The following FUT9 variants were observed in gnomAD, a reference collection of about 807,000 sequenced individuals.
FUT9 encodes the protein fucosyltransferase 9.
FUT9 carries 15 observed loss-of-function variants against 29.7 expected under a neutral mutation model. The ratio of observed to expected loss-of-function variants is 0.51; its 90% CI spans 0.34 to 0.78. The LOEUF is 0.78. Ranked by LOEUF, FUT9 falls within the 30% of genes least tolerant of loss-of-function variation. The probability of loss-of-function intolerance (pLI) is 0.01; values close to 1 mark genes in which losing one functional copy is unlikely to be tolerated. For synonymous variants in FUT9, 169 were observed against 153.7 expected, an observed-to-expected ratio of 1.10 and a Z score of -0.74; for missense variants, 319 against 425.4, an observed-to-expected ratio of 0.75 and a Z score of 2.20.
chr6:96,087,950 G>T (rs962297302), intron 1 of FUT9, among the ~76,000 whole-genome samples: 4 of 152,068 alleles, frequency 2.6e-5, no homozygotes, highest in Admixed American at 2.6e-4. Context: ...ATGTGTCTGA[G>T]AAAGTCTTTA....
chr6:96,138,137 C>A (rs1488711422), intron 2 of FUT9, among the ~76,000 whole-genome samples: 1 of 152,098 alleles, frequency 6.6e-6, no homozygotes, highest in Non-Finnish European at 1.5e-5. Context: ...GGCATAAACC[C>A]TAGTTCTGAG....
At chr6:96,127,608 C>T (rs996228765) in intron 2 of FUT9, among the ~76,000 whole-genome samples, 1 of 152,094 alleles carries the variant, frequency 6.6e-6, no homozygotes, top group Non-Finnish European at 1.5e-5. Flanking sequence ...GAGAAATCCC[C>T]AAACTGCTTT....
intron 2 of FUT9, among the ~76,000 whole-genome samples, chr6:96,202,143 A>G (rs1044316024): frequency 4.6e-5 from 7 of 151,994 alleles, no homozygotes; most frequent in African/African-American, 1.7e-4. Context: ...AGTTTTTGCA[A>G]ATATATTTTT....
chr6:96,022,334 C>G (rs532820267), intron 1 of FUT9, among the ~76,000 whole-genome samples: 1 of 152,036 alleles, frequency 6.6e-6, no homozygotes, highest in African/African-American at 2.4e-5. Context: ...GGCAGTCAAT[C>G]CAACTTGTCC....
intron 2 of FUT9, among the ~76,000 whole-genome samples, chr6:96,138,631 C>T (rs1399414586): frequency 6.6e-6 from 1 of 152,062 alleles, no homozygotes; most frequent in Admixed American, 6.6e-5. Flanking sequence ...ATTATATCAT[C>T]GTATAGTCTG....
intron 2 of FUT9, among the ~76,000 whole-genome samples, chr6:96,148,413 G>C (rs1482141481): frequency 6.6e-6 from 1 of 152,146 alleles, no homozygotes; most frequent in Non-Finnish European, 1.5e-5. Flanking sequence ...TAAAATGAGG[G>C]AGTACTCTGT....
chr6:96,083,474 G>T (rs1215106158), intron 1 of FUT9, among the ~76,000 whole-genome samples: 1 of 152,046 alleles, frequency 6.6e-6, no homozygotes, highest in Non-Finnish European at 1.5e-5. Flanking sequence ...ATTGAACATA[G>T]CATAGAATGA....
intron 1 of FUT9, among the ~76,000 whole-genome samples, chr6:96,075,872 C>T (rs759927429): frequency 1.3e-5 from 2 of 152,074 alleles, no homozygotes; most frequent in African/African-American, 2.4e-5. Flanking sequence ...TTTCTTTTCC[C>T]CTCGTACATG....
At position 96,141,950 on chromosome 6, in the gene FUT9, A is replaced by G. The variant is rs143400878; in HGVS notation, c.-9+27823A>G. The stretch of plus-strand genomic sequence containing the variant: ...TCTAATTTTATCTCTTCTCCATTTT[A>G]CATCCCAGCCTTCTGAAGTGATTAC... On this transcript the variant is annotated intron_variant, in intron 2 of 2. Transcript: ENST00000302103. 1.7e-3 allele frequency among the ~76,000 whole-genome samples: 260 copies of G among 152,230 alleles called. 1 individual carries two copies. Among genetic ancestry groups the G allele is most frequent in the Middle Eastern group, 6.8e-3 (2 of 294 alleles).
At chr6:96,164,888 G>C (rs1485024337) in intron 2 of FUT9, among the ~76,000 whole-genome samples, 1 of 152,190 alleles carries the variant, frequency 6.6e-6, no homozygotes, top group African/African-American at 2.4e-5. Flanking sequence ...CCATATTTCA[G>C]ATGTTCAATA....
chr6:96,207,704 T>C lies in FUT9; in HGVS notation c.*3469T>C, dbSNP rs1319767185. ...ACCAATAATTATGCCTAGAATTAAA[T>C]TGTGGACACAAAAAAGGGAACAGAC... On this transcript the variant is annotated 3_prime_UTR_variant, in exon 3 of 3. Transcript: ENST00000302103. The C allele has an allele frequency of 6.0e-6, 1 of 167,014 alleles. No homozygotes were observed. The highest frequency in any genetic ancestry group is 1.5e-5 in the Non-Finnish European group (1 of 68,062). 10.3% of individuals were successfully genotyped at this position (167,014 alleles called of 1,614,324 possible).
intron 1 of FUT9, among the ~76,000 whole-genome samples, chr6:96,106,000 T>C (rs1484626958): frequency 6.6e-6 from 1 of 152,216 alleles, no homozygotes; most frequent in Non-Finnish European, 1.5e-5. Flanking sequence ...TAGTGATCTC[T>C]AGACTTTGTA....
intron 2 of FUT9, among the ~76,000 whole-genome samples, chr6:96,182,731 C>T (rs980453987): frequency 6.6e-6 from 1 of 151,902 alleles, no homozygotes; most frequent in Non-Finnish European, 1.5e-5. Context: ...TTTGCTTTGT[C>T]GAAGATCAGT....
Position 96,055,679 on chromosome 6 carries a change from CGTTTTTGTTTTT to C in FUT9, c.-98+39473_-98+39484del, listed in dbSNP as rs1224737497. On this transcript the variant is annotated intron_variant, in intron 1 of 2. Transcript: ENST00000302103. Reference sequence around the variant, plus strand: ...ACTATAGATAATTGTTTTTTGTTTTCGTTTTTGTTTTTGTTTTCTATTTCTTTTTCTTTTTTT... The same window carrying C: ...ACTATAGATAATTGTTTTTTGTTTTCGTTTTCTATTTCTTTTTCTTTTTTT... 9.0e-5 allele frequency among the ~76,000 whole-genome samples: 13 copies of C among 144,560 alleles called. No homozygotes were observed. In the East Asian group the frequency reaches 2.4e-3, roughly 27 times the overall value. The allele number at this position is 144,560 out of a possible 152,430, so 94.8% of individuals were successfully genotyped here. A position where few individuals can be genotyped will look rare whatever the true frequency, so the allele number is the denominator to read the frequency against.
At chr6:96,122,837 G>T (rs1772055038) in intron 2 of FUT9, among the ~76,000 whole-genome samples, 1 of 151,956 alleles carries the variant, frequency 6.6e-6, no homozygotes, top group Non-Finnish European at 1.5e-5. Context: ...ACGAGGTCAG[G>T]AGATCGAGAC....
intron 1 of FUT9, among the ~76,000 whole-genome samples, chr6:96,030,351 G>A (rs1382418216): frequency 1.3e-5 from 2 of 151,514 alleles, no homozygotes; most frequent in Non-Finnish European, 3.0e-5. Context: ...AAAAAAAGTA[G>A]TGAAAAGATG....
chr6:96,026,789 T>C (rs1770176663), intron 1 of FUT9, among the ~76,000 whole-genome samples: 1 of 151,704 alleles, frequency 6.6e-6, no homozygotes, highest in African/African-American at 2.4e-5. Context: ...CAGGTTTATT[T>C]GTACCATTTT....
chr6:96,125,754 C>T (rs1772122044), intron 2 of FUT9, among the ~76,000 whole-genome samples: 2 of 152,102 alleles, frequency 1.3e-5, no homozygotes, highest in East Asian at 1.9e-4. Flanking sequence ...GCTACTTGGC[C>T]ACTGCTTGAA....
intron 1 of FUT9, among the ~76,000 whole-genome samples, chr6:96,109,982 T>C (rs1032989679): frequency 1.3e-5 from 2 of 152,162 alleles, no homozygotes; most frequent in Non-Finnish European, 2.9e-5. Flanking sequence ...CATGCAGTGC[T>C]TGTTACTGTC....
Sources: gnomAD v4.1 joint callset for allele counts (sites outside exome capture counted in the v4.1 genomes callset) on GRCh38, gnomAD v4.1.1 for gene constraint, MANE v1.5 for transcripts, NCBI Gene and HGNC (gene_info 2026-07-23, HGNC 2026-07-21) for gene names.